The following DGKQ variants were observed in gnomAD, a reference collection of about 807,000 sequenced individuals.
The protein encoded by DGKQ is diacylglycerol kinase theta.
In DGKQ, 97 loss-of-function variants were observed where a neutral mutation model predicts 104.2. The observed-to-expected ratio is 0.93, with a 90% CI of 0.79 to 1.10. The LOEUF is 1.10. Among genes scored for constraint, DGKQ ranks in the 50% least tolerant of loss-of-function variants. The pLI is 0.00. For synonymous variants in DGKQ, 736 were observed against 595.2 expected (o/e 1.24, Z -3.44); for missense variants, 1,465 against 1,352.1 (o/e 1.08, Z -1.31).
chr4:967,574 C>T lies in DGKQ; in HGVS notation c.962G>A (p.Arg321His), dbSNP rs141968233. ...RSQFRLVTVSRLAGAEEVLEA... is the reference protein window; with the variant it reads ...RSQFRLVTVSHLAGAEEVLEA... ...CAGCACCTCCTCGGCACCGGCCAGG[C>T]GGGACACCGTGACGAGGCGGAACTG... The change falls in exon 8 of 23, where the codon CGC becomes CAC. Residue 321 changes from arginine (R) to histidine (H), a missense_variant. Transcript: ENST00000273814. 4.8e-5 allele frequency: 77 copies of T among 1,612,450 alleles called. No individual in the cohort carries two copies. Among genetic ancestry groups the T allele is most frequent in the East Asian group, 2.9e-4 (13 of 44,864 alleles).
At position 968,339 on chromosome 4, in the gene DGKQ, C is replaced by CTTCTG. The variant is rs755641485; in HGVS notation, c.605_606insCAGAA (p.Lys202AsnfsTer101). 4.9e-5 allele frequency: 76 copies of CTTCTG among 1,539,522 alleles called. No individual in the cohort carries two copies. The highest frequency in any genetic ancestry group is 6.6e-5 in the Non-Finnish European group (76 of 1,145,312). ...CCAGCACGTCAGAGGAGCCGCACGT[C>CTTCTG]TTCCTGCAGACCTCGCAGCGCGCTC... On this transcript the variant is annotated frameshift_variant, in exon 5 of 23. Coordinates refer to ENST00000273814, the MANE Select transcript of DGKQ (RefSeq NM_001347.4). LOFTEE classifies it high-confidence loss of function.
At chr4:969,057 AG>A (rs1712713755) in intron 2 of DGKQ, 147 bp from the exon 3 acceptor site, 5 of 547,154 alleles carry the variant, frequency 9.1e-6, no homozygotes, top group African/African-American at 2.0e-5. Context: ...TGGAGGCCCC[AG>A]GAACAACCAC....
chr4:969,924 T>G (rs1712795145), intron 2 of DGKQ, among the ~76,000 whole-genome samples: 1 of 152,238 alleles, frequency 6.6e-6, no homozygotes, highest in Non-Finnish European at 1.5e-5. Flanking sequence ...AAATACATCT[T>G]CTAAATTTCC....
At chr4:963,039 A>G in intron 16 of DGKQ, 100 bp downstream of exon 16, 1 of 1,489,528 alleles carries the variant, frequency 6.7e-7, no homozygotes, top group South Asian at 1.3e-5. Context: ...CCAGCACGGG[A>G]TCCCCGTGGA....
chr4:963,022 C>T, intron 16 of DGKQ, 102 bp from the exon 17 acceptor site: 1 of 1,505,206 alleles, frequency 6.6e-7, no homozygotes, highest in Non-Finnish European at 8.9e-7. Context: ...TGGAGGACTT[C>T]AAGGTCCCAG....
At position 962,852 on chromosome 4, in the gene DGKQ, C is replaced by T. The variant is rs1276394840; in HGVS notation, c.1955G>A (p.Trp652Ter). ...TGTCTCCTCCAGGGCGCCAAGCACC[C>T]AGCCCACAGTGCCATCGCCACCACA... Reference protein sequence around the residue: ...LVCGGDGTVGWVLGALEETRY... With the variant: ...LVCGGDGTVG The change falls in exon 17 of 23, where the codon TGG (tryptophan) becomes TAG (stop). Residue 652 changes from tryptophan to a stop codon, truncating the protein, a stop_gained. Coordinates refer to ENST00000273814, the MANE Select transcript of DGKQ (RefSeq NM_001347.4). LOFTEE classifies it high-confidence loss of function. 6.2e-7 allele frequency: 1 copy of T among 1,607,932 alleles called. No individual in the cohort carries two copies. Among genetic ancestry groups the T allele is most frequent in the Non-Finnish European group, 8.5e-7 (1 of 1,178,064 alleles).
rs1178768696 is a variant in DGKQ, at chr4:960,903, CCCT to C, written c.2727+143_2727+145del. 5.4e-6 allele frequency: 8 copies of C among 1,488,882 alleles called. No individual in the cohort carries two copies. In the East Asian group the frequency reaches 1.2e-4, roughly 23 times the overall value. The allele number at this position is 1,488,882 out of a possible 1,614,324, so 92.2% of individuals were successfully genotyped here. On this transcript the variant is annotated intron_variant, in intron 22 of 22. Coordinates refer to ENST00000273814, the MANE Select transcript of DGKQ (RefSeq NM_001347.4). ...GTGGCCCGCCTGGCCACTGGCACAG[CCCT>C]CCTCTGAAGCAGGCACCCTCCCGGA...
At chr4:972,519 C>T (rs1025273046) in intron 1 of DGKQ, among the ~76,000 whole-genome samples, 2 of 146,480 alleles carry the variant, frequency 1.4e-5, no homozygotes, top group African/African-American at 5.0e-5. Flanking sequence ...AAGTGTCAAA[C>T]GTCCAGAACT....
intron 22 of DGKQ, 138 bp downstream of exon 22, chr4:960,911 T>G: frequency 6.7e-7 from 1 of 1,496,296 alleles, no homozygotes; most frequent in Admixed American, 2.2e-5. Context: ...AGCCCTCCTC[T>G]GAAGCAGGCA....
At position 966,804 on chromosome 4, in the gene DGKQ, T is replaced by C. The variant is rs766234455; in HGVS notation, c.1312-2A>G. 1 of 1,608,900 alleles carries C rather than the reference T, an allele frequency of 6.2e-7. No individual in the cohort carries two copies. The highest frequency in any genetic ancestry group is 8.5e-7 in the Non-Finnish European group (1 of 1,178,278). On this transcript the variant is annotated splice_acceptor_variant, in intron 10 of 22. Coordinates refer to ENST00000273814, the MANE Select transcript of DGKQ (RefSeq NM_001347.4). LOFTEE classifies it high-confidence loss of function. ...CTGGAAGCTCTCGGGACTCTCGGCC[T>C]GTTGGGGTAGAGCTTGGCATCGGGT... is the stretch of plus-strand genomic sequence containing the variant.
intron 16 of DGKQ, 38 bp from the exon 17 acceptor site, chr4:962,958 G>A (rs778164097): frequency 2.5e-6 from 4 of 1,580,098 alleles, no homozygotes; most frequent in Admixed American, 3.6e-5. Context: ...CCAGCTGCGG[G>A]CGCAGCCCAT....
In DGKQ at chr4:967,613, G is replaced by A. The variant is rs755708997; in HGVS notation, c.923C>T (p.Ala308Val). The A allele has an allele frequency of 6.2e-7, 1 of 1,612,668 alleles. No individual in the cohort carries two copies. The highest frequency in any genetic ancestry group is 8.5e-7 in the Non-Finnish European group (1 of 1,179,892). The change falls in exon 8 of 23, where the codon GCG (alanine) becomes GTG (valine). Residue 308 changes from alanine (A) to valine (V), a missense_variant. Physicochemically the swap from Ala to Val is moderately conservative, Grantham distance 64 (BLOSUM62 0). Transcript: ENST00000273814. ...GAGGCGGAACTGGCTTCTTCTCACC[G>A]CGTCGTCGCCATCAAAGATCTTCAG... ...QTLKIFDGDD[A>V]VRRSQFRLVT... is the part of the protein sequence containing the mutation.
Position 960,732 on chromosome 4 carries a change from G to A in DGKQ, c.2728-11C>T, listed in dbSNP as rs1711826142. On this transcript the variant is annotated splice_polypyrimidine_tract_variant and intron_variant, in intron 22 of 22. Transcript: ENST00000273814. The stretch of plus-strand genomic sequence containing the variant: ...CCTCAGCATGTGCACCTGTCCCAGG[G>A]CAGGGGACAGAGGACCAGGGTGACA... 1.9e-6 allele frequency: 3 copies of A among 1,610,812 alleles called. No homozygotes were observed. The African/African-American group carries it at 4.0e-5, about 22-fold the overall frequency.
rs1229952082 is a variant in DGKQ at position 959,372 on chromosome 4, C to T, written c.*1248G>A. 2.0e-5 allele frequency: 3 copies of T among 150,148 alleles called. No individual in the cohort carries two copies. Among genetic ancestry groups the T allele is most frequent in the South Asian group, 2.1e-4 (1 of 4,704 alleles). The allele number at this position is 150,148 out of a possible 1,614,324, so 9.3% of individuals were successfully genotyped here. The stretch of plus-strand genomic sequence containing the variant: ...CACAAGGGAAGGGGGAGATCCGCAC[C>T]GTGGGACCGTTTCTCGTGGGGGAGT... On this transcript the variant is annotated 3_prime_UTR_variant, in exon 23 of 23. Coordinates refer to ENST00000273814, the MANE Select transcript of DGKQ (RefSeq NM_001347.4).
chr4:970,821 C>T (rs1282733920), intron 2 of DGKQ, among the ~76,000 whole-genome samples, 172 bp downstream of exon 2: 2 of 152,228 alleles, frequency 1.3e-5, no homozygotes. Context: ...CCATCATTCC[C>T]TGCAGATCCA....
At chr4:961,921 C>T in intron 19 of DGKQ, 61 bp downstream of exon 19, 2 of 1,609,352 alleles carry the variant, frequency 1.2e-6, no homozygotes, top group South Asian at 2.2e-5. Context: ...CTGCCTGTTC[C>T]TGCTGGGGGA....
At position 966,082 on chromosome 4, in the gene DGKQ, C is replaced by T. The variant is rs1186544196; in HGVS notation, c.1429-4G>A. The stretch of plus-strand genomic sequence containing the variant: ...GGCTCACCTGCCGCACAGACATCTG[C>T]AGGGAGAGGGGCGGGGATGCTGGGC... On this transcript the variant is annotated splice_polypyrimidine_tract_variant and splice_region_variant and intron_variant, in intron 12 of 22. Coordinates refer to ENST00000273814, the MANE Select transcript of DGKQ (RefSeq NM_001347.4). 7.5e-6 allele frequency: 12 copies of T among 1,595,418 alleles called. No homozygotes were observed. Among genetic ancestry groups the T allele is most frequent in the South Asian group, 3.4e-5 (3 of 88,314 alleles).
chr4:962,360 G>A (rs1266158240), intron 18 of DGKQ, 75 bp downstream of exon 18: 21 of 1,407,232 alleles, frequency 1.5e-5, no homozygotes, highest in Non-Finnish European at 1.9e-5. Context: ...CTGGGAAGAG[G>A]ACGCCCGTTG....
chr4:968,929 C>G lies in DGKQ; in HGVS notation c.352-19G>C. The G allele has an allele frequency of 6.5e-7, 1 of 1,539,150 alleles. No homozygotes were observed. Among genetic ancestry groups the G allele is most frequent in the Non-Finnish European group, 8.8e-7 (1 of 1,131,388 alleles). ...CAGGAACCTGGTGGGGCAGCCTCACCTCAGCACCCTTGGTAAGGGCAACAG... is the reference window on the plus strand; with the variant it reads ...CAGGAACCTGGTGGGGCAGCCTCACGTCAGCACCCTTGGTAAGGGCAACAG... On this transcript the variant is annotated intron_variant, in intron 2 of 22. Coordinates refer to ENST00000273814, the MANE Select transcript of DGKQ (RefSeq NM_001347.4).
Sources: gnomAD v4.1 joint callset for allele counts (sites outside exome capture counted in the v4.1 genomes callset) on GRCh38, gnomAD v4.1.1 for gene constraint, MANE v1.5 for transcripts, NCBI Gene and HGNC (gene_info 2026-07-23, HGNC 2026-07-21) for gene names.